The following RP1 variants were observed in gnomAD, a reference collection of about 807,000 sequenced individuals.
RP1 encodes oxygen-regulated protein 1.
RP1 carries 16 observed loss-of-function variants against 14.8 expected under a neutral mutation model. That is an observed-to-expected ratio of 1.08 (90% CI 0.73 to 1.65). RP1 has a LOEUF of 1.65. Among genes scored for constraint, RP1 ranks in the 40% most tolerant of loss-of-function variants. The pLI is 0.00. For synonymous variants in RP1, 876 were observed against 883.6 expected, an observed-to-expected ratio of 0.99 and a Z score of 0.15; for missense variants, 2,631 against 2,535.0, an observed-to-expected ratio of 1.04 and a Z score of -0.81.
chr8:54,690,090 T>C (rs1585609219), intron 12 of RP1, among the ~76,000 whole-genome samples: 3 of 152,172 alleles, frequency 2.0e-5, no homozygotes, highest in Admixed American at 2.0e-4. Flanking sequence ...ATTTTGCTGG[T>C]TGTTCTCTAA....
At chr8:54,669,944 G>A (rs773712175) in intron 7 of RP1, among the ~76,000 whole-genome samples, 1 of 152,106 alleles carries the variant, frequency 6.6e-6, no homozygotes, top group Non-Finnish European at 1.5e-5. Flanking sequence ...GAGTTAATGA[G>A]TGCAGCAAAC....
At chr8:54,731,335 C>T (rs1309665885) in intron 17 of RP1, among the ~76,000 whole-genome samples, 1 of 151,986 alleles carries the variant, frequency 6.6e-6, no homozygotes, top group Non-Finnish European at 1.5e-5. Flanking sequence ...ATCTTAGGTA[C>T]CACAGATTTT....
chr8:54,709,380 CA>C (rs1174679601), intron 15 of RP1, among the ~76,000 whole-genome samples: 3 of 152,152 alleles, frequency 2.0e-5, no homozygotes, highest in African/African-American at 7.2e-5. Flanking sequence ...AAGGGCTTCA[CA>C]GGATGAAATG....
intron 7 of RP1, among the ~76,000 whole-genome samples, chr8:54,673,005 A>T (rs772687380): frequency 2.1e-4 from 32 of 152,206 alleles, no homozygotes; most frequent in Non-Finnish European, 4.4e-4. Context: ...TGTACCAGGC[A>T]TGAACAGTAT....
chr8:54,622,960 A>G (rs1326441722), intron 3 of RP1, among the ~76,000 whole-genome samples: 4 of 152,216 alleles, frequency 2.6e-5, no homozygotes, highest in African/African-American at 7.2e-5. Context: ...CATTATACTC[A>G]GTATTTCCAG....
At chr8:54,831,446 G>T (rs1269020255) in intron 24 of RP1, among the ~76,000 whole-genome samples, 4 of 102,254 alleles carry the variant, frequency 3.9e-5, no homozygotes, top group African/African-American at 1.5e-4. Flanking sequence ...TTCTCCTTTG[G>T]CTTATTACCT....
At chr8:54,830,900 G>C (rs1391454) in intron 24 of RP1, among the ~76,000 whole-genome samples, 46,504 of 151,844 alleles carry the variant, frequency 0.31, 7,330 homozygotes, top group South Asian at 0.37. Flanking sequence ...CCAGTAATCT[G>C]TTTTCTGCCT....
In RP1 at chr8:54,622,196, A is replaced by G; in HGVS notation, c.695A>G (p.Tyr232Cys). Residue 232 changes from tyrosine to cysteine, a missense_variant, in exon 3 of 4, where the codon TAT (tyrosine) becomes TGT (cysteine). Tyr to Cys is a radical substitution (Grantham distance 194). Coordinates refer to ENST00000220676, the MANE Select transcript of RP1 (RefSeq NM_006269.2). ...AGGGAGCCATTTAAACCAGGAAATT[A>G]TGACATCCAAAAATACTTGCTTCCT... ...AGREPFKPGN[Y>C]DIQKYLLPAR... is the part of the protein sequence containing the mutation. The G allele has an allele frequency of 6.2e-7, 1 of 1,614,250 alleles. No individual in the cohort carries two copies.
intron 24 of RP1, among the ~76,000 whole-genome samples, chr8:54,805,155 G>GA (rs1382125432): frequency 6.6e-6 from 1 of 152,166 alleles, no homozygotes; most frequent in African/African-American, 2.4e-5. Flanking sequence ...GATTGCTTTA[G>GA]ATCATCCTGG....
chr8:54,726,500 T>G, intron 17 of RP1: 1 of 1,510,696 alleles, frequency 6.6e-7, no homozygotes, highest in Non-Finnish European at 8.8e-7. Flanking sequence ...TTTGCTTTCA[T>G]ACTTTTGGTT....
At chr8:54,734,536 C>T (rs1246444737) in intron 17 of RP1, 4 of 1,526,068 alleles carry the variant, frequency 2.6e-6, no homozygotes, top group Non-Finnish European at 2.6e-6. Context: ...ATGCTTTTTT[C>T]CCCCATAGAA....
intron 24 of RP1, among the ~76,000 whole-genome samples, chr8:54,790,564 C>CAA (rs34553015): frequency 2.0e-3 from 267 of 135,702 alleles, no homozygotes; most frequent in Non-Finnish European, 2.4e-3. Flanking sequence ...CAGTGAACTT[C>CAA]AAAAAAAAAA....
At chr8:54,776,488 G>A (rs1303958048) in intron 23 of RP1, among the ~76,000 whole-genome samples, 1 of 152,208 alleles carries the variant, frequency 6.6e-6, no homozygotes, top group Non-Finnish European at 1.5e-5. Context: ...TGGCCAACTA[G>A]GCCATTTTCT....
At chr8:54,602,501 G>A (rs559304243) in intron 1 of RP1, among the ~76,000 whole-genome samples, 2 of 152,186 alleles carry the variant, frequency 1.3e-5, no homozygotes, top group South Asian at 4.2e-4. Flanking sequence ...AAACATACAT[G>A]TGTATGTGTC....
chr8:54,624,389 G>A (rs1442340983), intron 3 of RP1, among the ~76,000 whole-genome samples: 1 of 132,832 alleles, frequency 7.5e-6, no homozygotes, highest in African/African-American at 2.8e-5. Flanking sequence ...AGGTAGCAGT[G>A]AGCCCAGATC....
In RP1 at chr8:54,627,907, T is replaced by C. The variant is rs201683491; in HGVS notation, c.4025T>C (p.Ile1342Thr). 4.2e-5 allele frequency: 67 copies of C among 1,614,140 alleles called. No individual in the cohort carries two copies. The highest frequency in any genetic ancestry group is 5.3e-5 in the Non-Finnish European group (63 of 1,179,970). ...TYVPVNVCNTIDFLNSKENTY... is the reference protein window; with the variant it reads ...TYVPVNVCNTTDFLNSKENTY... ...GTTCCTGTCAATGTCTGCAATACCA[T>C]TGACTTTTTAAACTCCAAAGAAAAC... The change falls in exon 4 of 4, where the codon ATT (isoleucine) becomes ACT (threonine). Residue 1342 changes from isoleucine (I) to threonine (T), a missense_variant. Ile to Thr is a moderately conservative substitution (Grantham distance 89). Coordinates refer to ENST00000220676, the MANE Select transcript of RP1 (RefSeq NM_006269.2).
At chr8:54,803,005 CT>C (rs987805245) in intron 24 of RP1, among the ~76,000 whole-genome samples, 13 of 149,726 alleles carry the variant, frequency 8.7e-5, no homozygotes, top group South Asian at 2.1e-4. Flanking sequence ...GGATTCATAG[CT>C]TTTTTTTTTC....
intron 27 of RP1, among the ~76,000 whole-genome samples, chr8:54,862,749 T>C (rs1458348560): frequency 6.6e-6 from 1 of 152,080 alleles, no homozygotes; most frequent in Admixed American, 6.6e-5. Flanking sequence ...GCATGGAAGA[T>C]GGCAGCTGCG....
intron 19 of RP1, among the ~76,000 whole-genome samples, chr8:54,750,629 T>A (rs2375222): frequency 1.0e-4 from 14 of 140,680 alleles, no homozygotes; most frequent in East Asian, 2.1e-4. Context: ...ATCAGTGCTC[T>A]GTAGCTAGCA....
Sources: allele counts gnomAD v4.1 joint callset (sites outside exome capture counted in the v4.1 genomes callset), GRCh38; gene constraint gnomAD v4.1.1; transcripts MANE v1.5; gene names NCBI Gene and HGNC (gene_info 2026-07-23, HGNC 2026-07-21).